Variants in IFT74 observed in about 807,000 individuals in gnomAD.
IFT74 encodes intraflagellar transport 74, also known as intraflagellar transport protein 74 homolog.
Under a neutral mutation model 96.7 loss-of-function variants are expected in IFT74, and 92 were observed. The observed-to-expected ratio is 0.95, with a 90% CI of 0.80 to 1.13. IFT74 has a LOEUF of 1.13. Ranked by LOEUF, IFT74 falls within the 50% of genes most tolerant of loss-of-function variation. The pLI is 0.00. For missense variants in IFT74, 811 were observed against 698.2 expected, an observed-to-expected ratio of 1.16 and a Z score of -1.82; for synonymous variants, 223 against 213.2, an observed-to-expected ratio of 1.05 and a Z score of -0.40.
At chr9:26,962,872 T>A (rs12004175) in intron 2 of IFT74, among the ~76,000 whole-genome samples, 6 of 151,552 alleles carry the variant, frequency 4.0e-5, no homozygotes, top group African/African-American at 1.5e-4. Context: ...ACATTTATAA[T>A]ATATATACCA....
At position 26,961,941 on chromosome 9, in the gene IFT74, C is replaced by G. The variant is rs757345742; in HGVS notation, c.-19-8C>G. On this transcript the variant is annotated splice_polypyrimidine_tract_variant and splice_region_variant and intron_variant, in intron 1 of 19. Transcript: ENST00000380062. ...CAAAGGATTGAACTATTTATTGTTT[C>G]CAAACAGCGATTAAAGTGAAGAAAC... 15 of 1,613,692 alleles carry G rather than the reference C, an allele frequency of 9.3e-6. No homozygotes were observed. The highest frequency in any genetic ancestry group is 6.7e-5 in the Admixed American group (4 of 59,990).
intron 14 of IFT74, among the ~76,000 whole-genome samples, chr9:27,045,216 C>T (rs928835568): frequency 4.4e-4 from 67 of 152,198 alleles, no homozygotes; most frequent in African/African-American, 1.5e-3. Flanking sequence ...TGAACCCTAT[C>T]GCGTATGAGG....
intron 2 of IFT74, among the ~76,000 whole-genome samples, chr9:26,962,297 G>A (rs1192639964): frequency 6.6e-6 from 1 of 152,100 alleles, no homozygotes; most frequent in Non-Finnish European, 1.5e-5. Flanking sequence ...CTACTTTGTT[G>A]TTTCTTTATT....
chr9:26,980,952 C>T lies in IFT74; in HGVS notation c.305+333C>T, dbSNP rs189859275. Among the ~76,000 whole-genome samples, 27 of 152,150 alleles carry T rather than the reference C, an allele frequency of 1.8e-4. No homozygotes were observed. The East Asian group carries it at 4.8e-3, about 27-fold the overall frequency. Reference sequence around the variant, plus strand: ...TATAGGAATTTATTTCTTACTGTTCCGGAGACGCAGAAGTCCAAGATCAAG... The same window carrying T: ...TATAGGAATTTATTTCTTACTGTTCTGGAGACGCAGAAGTCCAAGATCAAG... On this transcript the variant is annotated intron_variant, in intron 4 of 19. Transcript: ENST00000380062.
chr9:27,060,018 G>A (rs1820344530), intron 18 of IFT74, among the ~76,000 whole-genome samples: 1 of 152,166 alleles, frequency 6.6e-6, no homozygotes, highest in Admixed American at 6.5e-5. Flanking sequence ...TTCTGAGGAA[G>A]CAACCATCAA....
intron 9 of IFT74, among the ~76,000 whole-genome samples, chr9:27,010,498 TG>T (rs1157720756): frequency 2.0e-5 from 3 of 149,054 alleles, no homozygotes; most frequent in Admixed American, 1.3e-4. Context: ...TTTTTTTTTT[TG>T]TTTTTTTTGA....
At chr9:26,997,330 CTTTTTT>C (rs773530183) in intron 8 of IFT74, among the ~76,000 whole-genome samples, 2 of 123,604 alleles carry the variant, frequency 1.6e-5, no homozygotes, top group African/African-American at 5.9e-5. Context: ...GTTTCCTTTC[CTTTTTT>C]TTTTTTTTTT....
At chr9:26,999,451 G>C (rs1488369791) in intron 8 of IFT74, among the ~76,000 whole-genome samples, 1 of 152,036 alleles carries the variant, frequency 6.6e-6, no homozygotes, top group Non-Finnish European at 1.5e-5. Context: ...ATAAATGAAG[G>C]CTGCTTTTGT....
At chr9:26,980,010 C>T (rs921956673) in intron 3 of IFT74, among the ~76,000 whole-genome samples, 17 of 151,976 alleles carry the variant, frequency 1.1e-4, no homozygotes, top group African/African-American at 2.4e-4. Context: ...CCACCGTGCC[C>T]GGCCAGGAAT....
intron 8 of IFT74, among the ~76,000 whole-genome samples, chr9:27,005,229 A>G (rs1828704936): frequency 6.6e-6 from 1 of 151,740 alleles, no homozygotes; most frequent in Admixed American, 6.6e-5. Flanking sequence ...TCATCAACTC[A>G]TGGCCAGTCT....
intron 10 of IFT74, among the ~76,000 whole-genome samples, chr9:27,013,769 A>G (rs1186771021): frequency 6.6e-6 from 1 of 151,948 alleles, no homozygotes; most frequent in Non-Finnish European, 1.5e-5. Context: ...CCCTTTCCTG[A>G]TTTCCTGTGG....
intron 2 of IFT74, among the ~76,000 whole-genome samples, chr9:26,964,633 A>G (rs1275951866): frequency 6.6e-6 from 1 of 152,116 alleles, no homozygotes; most frequent in Non-Finnish European, 1.5e-5. Context: ...AACTTTACTA[A>G]TTTTTAAGTG....
chr9:26,984,231 T>G, intron 4 of IFT74, 26 bp from the exon 5 acceptor site: 1 of 1,526,046 alleles, frequency 6.6e-7, no homozygotes, highest in Non-Finnish European at 8.9e-7. Context: ...AAAGTATTGC[T>G]GACATTCTTA....
chr9:26,957,122 T>C (rs1391795898), intron 1 of IFT74, among the ~76,000 whole-genome samples: 1 of 152,170 alleles, frequency 6.6e-6, no homozygotes, highest in Non-Finnish European at 1.5e-5. Flanking sequence ...CCAGGCTGCC[T>C]CTCTGTGTGA....
At chr9:27,051,541 C>T (rs1819923915) in intron 16 of IFT74, among the ~76,000 whole-genome samples, 1 of 152,140 alleles carries the variant, frequency 6.6e-6, no homozygotes, top group Non-Finnish European at 1.5e-5. Flanking sequence ...TTTCATCTTG[C>T]AGAACAAAAA....
upstream of IFT74, among the ~76,000 whole-genome samples, chr9:26,951,770 GC>G (rs2131454692): frequency 6.6e-6 from 1 of 152,236 alleles, no homozygotes; most frequent in South Asian, 2.1e-4. Context: ...GTGGTGGTAT[GC>G]GCCTGTAGTC....
At chr9:27,053,013 A>G (rs916818646) in intron 16 of IFT74, among the ~76,000 whole-genome samples, 3 of 151,726 alleles carry the variant, frequency 2.0e-5, no homozygotes, top group Admixed American at 2.0e-4. Context: ...ACAGGCACCC[A>G]CCACCTCGCC....
intron 2 of IFT74, among the ~76,000 whole-genome samples, chr9:26,970,954 G>A (rs935248560): frequency 1.3e-5 from 2 of 152,180 alleles, no homozygotes; most frequent in Admixed American, 1.3e-4. Context: ...TTCCTGAAGA[G>A]GGTGGATGCC....
intron 4 of IFT74, among the ~76,000 whole-genome samples, chr9:26,981,125 CAG>C (rs1827357994): frequency 6.6e-6 from 1 of 152,174 alleles, no homozygotes; most frequent in Non-Finnish European, 1.5e-5. Context: ...TCCATGAGGG[CAG>C]AGTCGTCATG....
Sources: allele counts gnomAD v4.1 joint callset (sites outside exome capture counted in the v4.1 genomes callset), GRCh38; gene constraint gnomAD v4.1.1; transcripts MANE v1.5; gene names NCBI Gene and HGNC (gene_info 2026-07-23, HGNC 2026-07-21).